The following MYT1L variants were observed in gnomAD, a reference collection of about 807,000 sequenced individuals.
The protein encoded by MYT1L is myelin transcription factor 1-like protein.
A neutral mutation model predicts 126.7 loss-of-function variants in MYT1L; 12 were observed. That is an observed-to-expected ratio of 0.09 (90% CI 0.06 to 0.15). The LOEUF is 0.15. Among genes scored for constraint, MYT1L ranks in the 10% least tolerant of loss-of-function variants. MYT1L has a pLI of 1.00. For synonymous variants in MYT1L, 541 were observed against 604.2 expected, an observed-to-expected ratio of 0.90 and a Z score of 1.53; for missense variants, 979 against 1,585.2, an observed-to-expected ratio of 0.62 and a Z score of 6.49.
chr2:2,110,592 C>T (rs931148586), intron 3 of MYT1L, among the ~76,000 whole-genome samples: 1 of 149,882 alleles, frequency 6.7e-6, no homozygotes, highest in African/African-American at 2.5e-5. Context: ...CTCTTCCTCC[C>T]TCCCTCTATT....
Position 1,922,422 on chromosome 2 carries a change from C to T in MYT1L, c.1347G>A (p.Arg449=), listed in dbSNP as rs1201873925. 18 of 1,613,980 alleles carry T rather than the reference C, an allele frequency of 1.1e-5. No homozygotes were observed. The highest frequency in any genetic ancestry group is 3.3e-4 in the Middle Eastern group (2 of 6,062). ...ALETERAKAM[R]EKMAMEAGRR... ...TCCCAGCTTCCATGGCCATCTTCTC[C>T]CTCATGGCCTTTGCTCTTTCCGTTT... The change falls in exon 10 of 25, where the codon AGG becomes AGA. Residue 449 remains arginine, a synonymous_variant. Coordinates refer to ENST00000647738, the MANE Select transcript of MYT1L (RefSeq NM_001303052.2). The surrounding 1 kb of genome is among the most constrained non-coding windows in gnomAD (Gnocchi z 7.4).
rs552038890 is a variant in MYT1L, at chr2:1,995,497, C to T, written c.-1+1694G>A. Reference sequence around the variant, plus strand: ...AGAGAAAACCCTAAAAAAACACCTGCCTCTTGCAGAAGAGAGGAGAAAGTT... The same window carrying T: ...AGAGAAAACCCTAAAAAAACACCTGTCTCTTGCAGAAGAGAGGAGAAAGTT... On this transcript the variant is annotated intron_variant, in intron 5 of 24. Coordinates refer to ENST00000647738, the MANE Select transcript of MYT1L (RefSeq NM_001303052.2). 2.6e-5 allele frequency among the ~76,000 whole-genome samples: 4 copies of T among 152,298 alleles called. No homozygotes were observed. In the South Asian group the frequency reaches 8.3e-4, roughly 32 times the overall value.
At chr2:1,894,340 A>C (rs948112230) in intron 14 of MYT1L, among the ~76,000 whole-genome samples, 1 of 152,212 alleles carries the variant, frequency 6.6e-6, no homozygotes, top group African/African-American at 2.4e-5. Context: ...GGGGCTGCAA[A>C]GGAGTCAACC....
chr2:2,245,075 C>G (rs60680417), intron 2 of MYT1L, among the ~76,000 whole-genome samples: 1 of 152,094 alleles, frequency 6.6e-6, no homozygotes, highest in Non-Finnish European at 1.5e-5. Context: ...ACAGCATACT[C>G]GTATTACAGT....
At chr2:1,866,970 G>GA (rs1290063042) in intron 18 of MYT1L, among the ~76,000 whole-genome samples, 33 of 119,030 alleles carry the variant, frequency 2.8e-4, no homozygotes, top group Non-Finnish European at 5.1e-4. Flanking sequence ...AGAGAGAGAG[G>GA]GAGGAGAGAG....
At chr2:1,860,064 A>G (rs562326682) in intron 18 of MYT1L, among the ~76,000 whole-genome samples, 1 of 152,266 alleles carries the variant, frequency 6.6e-6, no homozygotes, top group East Asian at 1.9e-4. Flanking sequence ...TGTGTTGATC[A>G]TGCTGCCCTC....
intron 18 of MYT1L, among the ~76,000 whole-genome samples, chr2:1,854,665 T>G (rs2148559596): frequency 1.3e-5 from 2 of 152,366 alleles, no homozygotes; most frequent in Middle Eastern, 6.8e-3. Context: ...AAGGAGGCTT[T>G]TCTCTCTTAA....
At chr2:2,279,092 G>T (rs1007638204) in intron 2 of MYT1L, among the ~76,000 whole-genome samples, 35 of 152,070 alleles carry the variant, frequency 2.3e-4, no homozygotes, top group Admixed American at 1.3e-4. Context: ...CTACTTAAGA[G>T]GATTCTTAAA....
chr2:1,854,986 T>C (rs2043728978), intron 18 of MYT1L, among the ~76,000 whole-genome samples: 1 of 152,134 alleles, frequency 6.6e-6, no homozygotes, highest in Admixed American at 6.5e-5. Context: ...GTAATTCAGC[T>C]TTTCCGTCTT....
intron 4 of MYT1L, among the ~76,000 whole-genome samples, chr2:1,999,539 T>C (rs953977814): frequency 6.6e-6 from 1 of 152,056 alleles, no homozygotes; most frequent in Admixed American, 6.5e-5. Context: ...GAACAGAAAA[T>C]TTAAAAATAT....
intron 3 of MYT1L, among the ~76,000 whole-genome samples, chr2:2,170,862 T>C (rs1215802521): frequency 6.6e-6 from 1 of 152,204 alleles, no homozygotes; most frequent in Admixed American, 6.5e-5. Context: ...ATTGTTACCA[T>C]AGCCCCGAAA....
chr2:2,103,441 G>T (rs1185910069), intron 3 of MYT1L, among the ~76,000 whole-genome samples: 1 of 152,224 alleles, frequency 6.6e-6, no homozygotes, highest in East Asian at 1.9e-4. Context: ...ATCAGCCCCA[G>T]ATGCCAGCCA....
chr2:2,000,176 G>A (rs2062227989), intron 4 of MYT1L, among the ~76,000 whole-genome samples: 2 of 152,168 alleles, frequency 1.3e-5, no homozygotes, highest in South Asian at 2.1e-4. Flanking sequence ...AGTCCCCTGA[G>A]CCTCTGTGGC....
intron 8 of MYT1L, among the ~76,000 whole-genome samples, chr2:1,953,991 G>A (rs1375000224): frequency 6.6e-6 from 1 of 152,196 alleles, no homozygotes; most frequent in Non-Finnish European, 1.5e-5. Flanking sequence ...AAGGTTGACG[G>A]GGCTCCCTGG....
intron 3 of MYT1L, among the ~76,000 whole-genome samples, chr2:2,144,871 TG>T (rs1164258785): frequency 6.6e-6 from 1 of 152,218 alleles, no homozygotes; most frequent in African/African-American, 2.4e-5. Flanking sequence ...TCTCTTGCTC[TG>T]CAAACCTCAA....
intron 1 of MYT1L, among the ~76,000 whole-genome samples, chr2:2,299,522 C>T (rs1201938098): frequency 6.6e-6 from 1 of 152,210 alleles, no homozygotes; most frequent in East Asian, 1.9e-4. Context: ...GGGGTTCTTG[C>T]TTGGAAAGGG....
chr2:1,886,483 T>G, intron 18 of MYT1L, 56 bp downstream of exon 18: 1 of 1,291,050 alleles, frequency 7.7e-7, no homozygotes, highest in Admixed American at 2.6e-5. Flanking sequence ...CATTTTTTTT[T>G]GTGAACTACT....
intron 2 of MYT1L, among the ~76,000 whole-genome samples, chr2:2,247,599 T>A (rs1484664031): frequency 6.6e-6 from 1 of 152,198 alleles, no homozygotes; most frequent in African/African-American, 2.4e-5. Flanking sequence ...AGCACATGGA[T>A]CATTCTCAAG....
At chr2:2,227,232 C>A (rs1239552557) in intron 2 of MYT1L, among the ~76,000 whole-genome samples, 1 of 152,182 alleles carries the variant, frequency 6.6e-6, no homozygotes. Context: ...TTGATATCAT[C>A]TGGTCCCATG....
Sources: allele counts gnomAD v4.1 joint callset (sites outside exome capture counted in the v4.1 genomes callset), GRCh38; gene constraint gnomAD v4.1.1; non-coding constraint Gnocchi (gnomAD v3.1); transcripts MANE v1.5; gene names NCBI Gene and HGNC (gene_info 2026-07-23, HGNC 2026-07-21).